Variants in TANC2 observed in about 807,000 individuals in gnomAD.
TANC2 encodes tetratricopeptide repeat, ankyrin repeat and coiled-coil containing 2.
Under a neutral mutation model 210.5 loss-of-function variants are expected in TANC2, and 26 were observed. The observed-to-expected ratio is 0.12, with a 90% CI of 0.09 to 0.17. TANC2 has a LOEUF of 0.17. TANC2 is among the 10% of genes least tolerant of loss of function. The probability of loss-of-function intolerance (pLI) is 1.00; values close to 1 mark genes in which losing one functional copy is unlikely to be tolerated. For synonymous variants in TANC2, 931 were observed against 967.1 expected, an observed-to-expected ratio of 0.96 and a Z score of 0.69; for missense variants, 2,129 against 2,608.9, an observed-to-expected ratio of 0.82 and a Z score of 4.01.
At chr17:63,407,138 T>G (rs2048535451) in intron 21 of TANC2, among the ~76,000 whole-genome samples, 1 of 152,212 alleles carries the variant, frequency 6.6e-6, no homozygotes. Flanking sequence ...CTTCTAAGAT[T>G]TCAAACTACA....
At chr17:63,338,579 A>T (rs1355563769) in intron 11 of TANC2, among the ~76,000 whole-genome samples, 1 of 152,224 alleles carries the variant, frequency 6.6e-6, no homozygotes, top group African/African-American at 2.4e-5. Flanking sequence ...TTCACTGTTC[A>T]TTGAGAGGAC....
At chr17:63,262,361 G>C (rs777181663) in intron 8 of TANC2, among the ~76,000 whole-genome samples, 1 of 152,074 alleles carries the variant, frequency 6.6e-6, no homozygotes, top group Non-Finnish European at 1.5e-5. Context: ...TTGTTTGTTT[G>C]TTTAATTTTC....
intron 2 of TANC2, among the ~76,000 whole-genome samples, chr17:63,035,805 C>T (rs1260865970): frequency 1.3e-5 from 2 of 152,154 alleles, no homozygotes; most frequent in Non-Finnish European, 2.9e-5. Context: ...AGTAGCTGTA[C>T]CCTTTTCATT....
Position 63,056,064 on chromosome 17 carries a change from G to A in TANC2, c.68-17879G>A, listed in dbSNP as rs1227175878. On this transcript the variant is annotated intron_variant, in intron 2 of 27. Coordinates refer to ENST00000689528, the Ensembl canonical transcript of TANC2. ...CTCCCACCTACAGTCCCAGGAACTTGGGAGGCTGAGGTAGGAGGATCACAT... is the reference window on the plus strand; with the variant it reads ...CTCCCACCTACAGTCCCAGGAACTTAGGAGGCTGAGGTAGGAGGATCACAT... Among the ~76,000 whole-genome samples the A allele has an allele frequency of 1.5e-5, 2 of 130,702 alleles. 1 individual carries two copies. The highest frequency in any genetic ancestry group is 5.5e-5 in the African/African-American group (2 of 36,420). The allele number at this position is 130,702 out of a possible 152,430, so 85.7% of individuals were successfully genotyped here.
At chr17:63,072,103 A>G (rs1321825394) in intron 2 of TANC2, among the ~76,000 whole-genome samples, 2 of 152,168 alleles carry the variant, frequency 1.3e-5, no homozygotes, top group Admixed American at 1.3e-4. Context: ...AATACATTTT[A>G]GAAAGAAGAG....
chr17:63,317,970 T>C (rs1207471823), intron 10 of TANC2, among the ~76,000 whole-genome samples: 1 of 152,176 alleles, frequency 6.6e-6, no homozygotes, highest in Admixed American at 6.5e-5. Context: ...ATCACTGAAC[T>C]TCACCTCAAC....
intron 9 of TANC2, among the ~76,000 whole-genome samples, chr17:63,283,874 CTTTT>C (rs1248829487): frequency 6.6e-6 from 1 of 151,850 alleles, no homozygotes; most frequent in Admixed American, 6.6e-5. Flanking sequence ...GTTCTAATGA[CTTTT>C]TTTAATAGAT....
At chr17:63,175,543 A>ACC in intron 5 of TANC2, among the ~76,000 whole-genome samples, 1 of 151,738 alleles carries the variant, frequency 6.6e-6, no homozygotes, top group Admixed American at 6.6e-5. Flanking sequence ...CAAAAAAAAA[A>ACC]AAAAAAAAAA....
chr17:63,126,832 G>A (rs2038728209), intron 4 of TANC2, among the ~76,000 whole-genome samples: 1 of 152,080 alleles, frequency 6.6e-6, no homozygotes, highest in Non-Finnish European at 1.5e-5. Flanking sequence ...CATGAGTCAC[G>A]TTCCTTTTAC....
At chr17:63,339,475 T>A (rs1393576061) in intron 11 of TANC2, among the ~76,000 whole-genome samples, 1 of 152,184 alleles carries the variant, frequency 6.6e-6, no homozygotes, top group Non-Finnish European at 1.5e-5. Context: ...GTTCTTTGAT[T>A]TTAAGACCTA....
chr17:63,248,243 G>A (rs1814417497), intron 8 of TANC2, among the ~76,000 whole-genome samples: 1 of 151,906 alleles, frequency 6.6e-6, no homozygotes, highest in African/African-American at 2.4e-5. Flanking sequence ...CCCTAAACTG[G>A]GGAGACTCCG....
intron 8 of TANC2, among the ~76,000 whole-genome samples, chr17:63,257,269 T>C (rs1323158544): frequency 6.6e-6 from 1 of 152,144 alleles, no homozygotes; most frequent in Non-Finnish European, 1.5e-5. Flanking sequence ...TTTCTGGCAG[T>C]ATGTTTTAAT....
intron 2 of TANC2, among the ~76,000 whole-genome samples, chr17:63,066,737 A>G (rs962228108): frequency 1.3e-5 from 2 of 152,072 alleles, no homozygotes; most frequent in Admixed American, 1.3e-4. Context: ...TTAGATTATT[A>G]ATGAAAGCTT....
chr17:63,381,043 C>T (rs938206635), intron 15 of TANC2, among the ~76,000 whole-genome samples: 45 of 152,278 alleles, frequency 3.0e-4, no homozygotes, highest in African/African-American at 1.0e-3. Flanking sequence ...AACTGAAAGA[C>T]AGTAACTTAA....
At chr17:63,310,114 A>G (rs2045068687) in intron 9 of TANC2, among the ~76,000 whole-genome samples, 1 of 152,220 alleles carries the variant, frequency 6.6e-6, no homozygotes, top group Non-Finnish European at 1.5e-5. Flanking sequence ...AAGACTGACA[A>G]GTTTGGCGAC....
chr17:63,130,948 A>T (rs568211578), intron 4 of TANC2: 1 of 152,222 alleles, frequency 6.6e-6, no homozygotes, highest in Non-Finnish European at 1.5e-5. Flanking sequence ...CATTAACTTT[A>T]TTCCTTCAGA....
chr17:63,361,133 T>A (rs1438845243), intron 14 of TANC2, among the ~76,000 whole-genome samples: 1 of 152,250 alleles, frequency 6.6e-6, no homozygotes, highest in Non-Finnish European at 1.5e-5. Context: ...TTCAATATAC[T>A]GATTTCCTTT....
chr17:63,293,870 A>G (rs759596067), intron 9 of TANC2, among the ~76,000 whole-genome samples: 2 of 151,746 alleles, frequency 1.3e-5, no homozygotes, highest in Non-Finnish European at 2.9e-5. Flanking sequence ...CTCGGACTAC[A>G]GCCACATGCC....
chr17:63,208,348 T>C (rs956639326), intron 7 of TANC2, among the ~76,000 whole-genome samples: 1 of 152,184 alleles, frequency 6.6e-6, no homozygotes, highest in Non-Finnish European at 1.5e-5. Flanking sequence ...ATTCTAGGTC[T>C]TTTTCTGAGC....
Sources: gnomAD v4.1 joint callset for allele counts (sites outside exome capture counted in the v4.1 genomes callset) on GRCh38, gnomAD v4.1.1 for gene constraint, MANE v1.5 for transcripts, NCBI Gene and HGNC (gene_info 2026-07-23, HGNC 2026-07-21) for gene names.